The following TIAM1 variants were observed in gnomAD, a reference collection of about 807,000 sequenced individuals.
TIAM1 encodes the protein TIAM Rac1 associated GEF 1.
A neutral mutation model predicts 163.5 loss-of-function variants in TIAM1; 65 were observed. The observed-to-expected ratio is 0.40, with a 90% CI of 0.33 to 0.49. The LOEUF (loss-of-function observed/expected upper bound fraction) is 0.49. Ranked by LOEUF, TIAM1 falls within the 20% of genes least tolerant of loss-of-function variation. TIAM1 has a pLI of 0.77. For missense variants in TIAM1, 1,789 were observed against 2,044.7 expected, an observed-to-expected ratio of 0.87 and a Z score of 2.41; for synonymous variants, 833 against 810.1, an observed-to-expected ratio of 1.03 and a Z score of -0.48.
intron 12 of TIAM1, among the ~76,000 whole-genome samples, chr21:31,197,306 CAAGAT>C (rs914713454): frequency 7.9e-5 from 12 of 151,630 alleles, no homozygotes; most frequent in Admixed American, 3.3e-4. Context: ...TGTACAAAGT[CAAGAT>C]AAGAATGATG....
intron 3 of TIAM1, among the ~76,000 whole-genome samples, chr21:31,274,214 C>CA (rs11398409): frequency 0.055 from 8,016 of 146,230 alleles, 493 homozygotes; most frequent in African/African-American, 0.16. Flanking sequence ...GACTCCTTCT[C>CA]AAAAAAAAAA....
chr21:31,120,947 G>C lies in TIAM1; in HGVS notation c.4307-110C>G. 1.0e-6 allele frequency: 1 copy of C among 995,614 alleles called. No individual in the cohort carries two copies. Among genetic ancestry groups the C allele is most frequent in the Non-Finnish European group, 1.4e-6 (1 of 694,792 alleles). The allele number at this position is 995,614 out of a possible 1,614,324, so 61.7% of individuals were successfully genotyped here. On this transcript the variant is annotated intron_variant, in intron 27 of 27. Coordinates refer to ENST00000541036, the MANE Select transcript of TIAM1 (RefSeq NM_001353694.2). This position sits in a 1 kb window ranked among gnomAD's most constrained non-coding sequence, Gnocchi z 4.2. The stretch of plus-strand genomic sequence containing the variant: ...AATAAAAACCAAAACGGTATGCATT[G>C]AATGCCTTGATGTCTTTTGGGGCTT...
intron 20 of TIAM1, among the ~76,000 whole-genome samples, chr21:31,142,162 C>A (rs1344764199): frequency 6.6e-6 from 1 of 152,128 alleles, no homozygotes; most frequent in Non-Finnish European, 1.5e-5. Context: ...GCATGGGGTG[C>A]CCCTGCCTCT....
At chr21:31,245,416 G>T in intron 6 of TIAM1, 72 bp downstream of exon 6, 6 of 1,054,892 alleles carry the variant, frequency 5.7e-6, no homozygotes, top group Non-Finnish European at 7.5e-6. Context: ...GGGAGACTGG[G>T]TGCCTAGGCA....
chr21:31,351,976 G>A (rs9980102), intron 2 of TIAM1, among the ~76,000 whole-genome samples: 39,530 of 151,572 alleles, frequency 0.26, 6,171 homozygotes, highest in Middle Eastern at 0.43. Flanking sequence ...GCTGAGGCAG[G>A]AGAATCGCTT....
intron 2 of TIAM1, among the ~76,000 whole-genome samples, chr21:31,355,528 A>T (rs28504995): frequency 5.7e-4 from 82 of 144,750 alleles, no homozygotes; most frequent in Non-Finnish European, 8.4e-4. Flanking sequence ...TCTCTCCTTT[A>T]TTATTTATTT....
intron 1 of TIAM1, among the ~76,000 whole-genome samples, chr21:31,556,033 G>C (rs745412286): frequency 3.9e-5 from 6 of 152,118 alleles, no homozygotes; most frequent in East Asian, 1.9e-4. Flanking sequence ...CTCTTTGGAC[G>C]AGCATTAGAG....
intron 2 of TIAM1, among the ~76,000 whole-genome samples, chr21:31,360,648 A>G (rs2076392656): frequency 6.6e-6 from 1 of 152,218 alleles, no homozygotes; most frequent in Non-Finnish European, 1.5e-5. Flanking sequence ...TGCAACTGAC[A>G]AGGAGATATT....
At chr21:31,222,502 T>C (rs1360629592) in intron 8 of TIAM1, among the ~76,000 whole-genome samples, 1 of 151,922 alleles carries the variant, frequency 6.6e-6, no homozygotes, top group Non-Finnish European at 1.5e-5. Context: ...AATGCATATA[T>C]GTTCAGCTGG....
intron 2 of TIAM1, among the ~76,000 whole-genome samples, chr21:31,313,022 C>CTA (rs1055139407): frequency 5.3e-5 from 8 of 152,212 alleles, no homozygotes; most frequent in African/African-American, 1.9e-4. Flanking sequence ...ATTACGGCAG[C>CTA]TACTCACCTG....
intron 2 of TIAM1, among the ~76,000 whole-genome samples, chr21:31,392,937 T>C (rs1045810646): frequency 4.0e-5 from 6 of 148,504 alleles, no homozygotes; most frequent in African/African-American, 1.5e-4. Context: ...TACAGAACCG[T>C]GAGCCAAATA....
At chr21:31,432,580 T>C (rs559062114) in intron 2 of TIAM1, among the ~76,000 whole-genome samples, 2 of 152,232 alleles carry the variant, frequency 1.3e-5, no homozygotes, top group Admixed American at 6.5e-5. Context: ...GCCATAGGAA[T>C]GCAGAGAAGA....
chr21:31,283,947 C>G (rs977689347), intron 2 of TIAM1, among the ~76,000 whole-genome samples: 1 of 152,200 alleles, frequency 6.6e-6, no homozygotes, highest in African/African-American at 2.4e-5. Flanking sequence ...TTTGGGCTCG[C>G]TCTTGGCTCC....
At chr21:31,355,989 A>G (rs2076311456) in intron 2 of TIAM1, among the ~76,000 whole-genome samples, 1 of 152,234 alleles carries the variant, frequency 6.6e-6, no homozygotes, top group Non-Finnish European at 1.5e-5. Flanking sequence ...GCAAGTGCCT[A>G]GAAGAGGGCT....
intron 1 of TIAM1, among the ~76,000 whole-genome samples, chr21:31,541,371 C>T (rs866670621): frequency 4.0e-4 from 61 of 152,170 alleles, no homozygotes; most frequent in African/African-American, 1.4e-3. Flanking sequence ...GTGGGAGGAT[C>T]GCTTCAGCCC....
intron 15 of TIAM1, among the ~76,000 whole-genome samples, chr21:31,177,447 A>C (rs1211310808): frequency 6.6e-6 from 1 of 152,178 alleles, no homozygotes; most frequent in Admixed American, 6.5e-5. Flanking sequence ...TCTCTACTAA[A>C]AATACAAAAT....
chr21:31,150,786 A>C (rs2083336841), intron 19 of TIAM1, among the ~76,000 whole-genome samples: 1 of 152,230 alleles, frequency 6.6e-6, no homozygotes, highest in Admixed American at 6.5e-5. Flanking sequence ...TGTCAAGAAA[A>C]TGAAAAGATG....
In TIAM1 at chr21:31,266,075, C is replaced by T. The variant is rs753891229; in HGVS notation, c.898G>A (p.Gly300Ser). 1 of 1,614,214 alleles carries T rather than the reference C, an allele frequency of 6.2e-7. No homozygotes were observed. The highest frequency in any genetic ancestry group is 8.5e-7 in the Non-Finnish European group (1 of 1,180,036). Residue 300 changes from glycine to serine, a missense_variant, in exon 4 of 28, where the codon GGT becomes AGT. Gly to Ser is a moderately conservative substitution (Grantham distance 56). Around this residue, in one of 5 missense-constraint regions of TIAM1, gnomAD observed 555 missense variants for 564.9 expected, o/e 0.98. Transcript: ENST00000541036. ...TGGCTAATTTGTGGGTTGGTGGCACCTTCAGAGAGACAGTGAGATTTCCTA... is the reference window on the plus strand; with the variant it reads ...TGGCTAATTTGTGGGTTGGTGGCACTTTCAGAGAGACAGTGAGATTTCCTA... Reference protein sequence around the residue: ...PCRKSHCLSEGATNPQISHSN... With the variant: ...PCRKSHCLSESATNPQISHSN...
intron 1 of TIAM1, among the ~76,000 whole-genome samples, chr21:31,552,201 G>A (rs879735474): frequency 6.6e-6 from 1 of 151,764 alleles, no homozygotes; most frequent in Admixed American, 6.6e-5. Flanking sequence ...GGGATTACAG[G>A]TGTGCGCCAC....
Sources: allele counts gnomAD v4.1 joint callset (sites outside exome capture counted in the v4.1 genomes callset), GRCh38; gene constraint gnomAD v4.1.1; regional missense constraint gnomAD v4.1.1; non-coding constraint Gnocchi (gnomAD v3.1); transcripts MANE v1.5; gene names NCBI Gene and HGNC (gene_info 2026-07-23, HGNC 2026-07-21).